ZXDC: variants seen among roughly 807,000 people sequenced by gnomAD.
The protein encoded by ZXDC is zinc finger protein ZXDC.
In ZXDC, 58 loss-of-function variants were observed where a neutral mutation model predicts 63.6. The observed-to-expected ratio is 0.91, with a 90% CI of 0.74 to 1.13. ZXDC has a LOEUF of 1.13. Ranked by LOEUF, ZXDC falls within the 50% of genes most tolerant of loss-of-function variation. ZXDC has a pLI of 0.00. For missense variants in ZXDC, 1,133 were observed against 1,148.9 expected, an observed-to-expected ratio of 0.99 and a Z score of 0.20; for synonymous variants, 561 against 496.1, an observed-to-expected ratio of 1.13 and a Z score of -1.74.
chr3:126,447,374 A>C (rs1224601141), intron 7 of ZXDC, among the ~76,000 whole-genome samples: 1 of 152,176 alleles, frequency 6.6e-6, no homozygotes, highest in Admixed American at 6.5e-5. Flanking sequence ...TCTTATTGGA[A>C]AATCTATTAA....
intron 6 of ZXDC, 88 bp downstream of exon 6, chr3:126,461,447 G>C: frequency 1.3e-6 from 2 of 1,486,670 alleles, no homozygotes; most frequent in Non-Finnish European, 1.8e-6. Context: ...AGAAACGTCT[G>C]CATAGAAAGG....
At chr3:126,447,042 T>C (rs1933909254) in intron 7 of ZXDC, among the ~76,000 whole-genome samples, 1 of 152,186 alleles carries the variant, frequency 6.6e-6, no homozygotes, top group Admixed American at 6.5e-5. Context: ...ACACGACAGG[T>C]CCTTTGTTCT....
intron 9 of ZXDC, among the ~76,000 whole-genome samples, 179 bp from the exon 10 acceptor site, chr3:126,438,640 T>C (rs1175760455): frequency 1.3e-5 from 2 of 152,124 alleles, no homozygotes; most frequent in East Asian, 3.8e-4. Context: ...AACTCAATAC[T>C]GTACTGTAAA....
chr3:126,447,986 C>T (rs1243995249), intron 7 of ZXDC, among the ~76,000 whole-genome samples: 3 of 152,182 alleles, frequency 2.0e-5, no homozygotes, highest in Non-Finnish European at 4.4e-5. Flanking sequence ...TCAATCCTGC[C>T]GCTGCCCCTG....
At chr3:126,459,058 GTT>G in intron 7 of ZXDC, 2 of 985,282 alleles carry the variant, frequency 2.0e-6, no homozygotes, top group Non-Finnish European at 2.4e-6. Flanking sequence ...TCCACTGTTA[GTT>G]TTTAGAAAAA....
intron 1 of ZXDC, 25 bp downstream of exon 1, chr3:126,474,934 C>G (rs1576697918): frequency 1.7e-5 from 26 of 1,541,528 alleles, no homozygotes; most frequent in Non-Finnish European, 2.1e-5. Context: ...CCGCGCAGCC[C>G]GCCCGCCCCC....
intron 1 of ZXDC, 94 bp from the exon 2 acceptor site, chr3:126,472,399 G>T: frequency 6.9e-7 from 1 of 1,446,300 alleles, no homozygotes; most frequent in Non-Finnish European, 9.4e-7. Flanking sequence ...TGTTCACACT[G>T]AAGCAGACAA....
intron 7 of ZXDC, among the ~76,000 whole-genome samples, chr3:126,456,047 G>C (rs148842322): frequency 6.6e-6 from 1 of 152,020 alleles, no homozygotes. Flanking sequence ...TCCATACTGC[G>C]AATAAGTAAA....
At chr3:126,444,404 T>G (rs183138798) in intron 7 of ZXDC, among the ~76,000 whole-genome samples, 10 of 151,852 alleles carry the variant, frequency 6.6e-5, no homozygotes, top group Non-Finnish European at 1.2e-4. Flanking sequence ...TGGTGGCGGG[T>G]GCCTGTAGTC....
chr3:126,471,948 A>C (rs993997751), intron 3 of ZXDC, 25 bp downstream of exon 3: 1 of 1,594,800 alleles, frequency 6.3e-7, no homozygotes, highest in African/African-American at 1.3e-5. Flanking sequence ...AAACCTGATA[A>C]TGCAAACCAA....
rs969648970 is a variant in ZXDC at position 126,453,965 on chromosome 3, A to G, written c.2212+5688T>C. 1.1e-5 allele frequency: 11 copies of G among 968,574 alleles called. 1 individual carries two copies. In the African/African-American group the frequency reaches 1.6e-4, roughly 14 times the overall value. The allele number at this position is 968,574 out of a possible 1,614,324, so 60.0% of individuals were successfully genotyped here. On this transcript the variant is annotated intron_variant, in intron 7 of 9. Coordinates refer to ENST00000389709, the MANE Select transcript of ZXDC (RefSeq NM_025112.5). ...ATGATCAGAAAACATAGTACTGCCT[A>G]TACATGTATATATATATGTGTACAT... is the stretch of plus-strand genomic sequence containing the variant.
intron 1 of ZXDC, among the ~76,000 whole-genome samples, chr3:126,472,810 G>A (rs1935031699): frequency 6.6e-6 from 1 of 152,144 alleles, no homozygotes; most frequent in South Asian, 2.1e-4. Context: ...CCTGTCCCTT[G>A]CTGTTTGGAT....
intron 7 of ZXDC, among the ~76,000 whole-genome samples, chr3:126,448,783 C>A (rs1933979514): frequency 6.6e-6 from 1 of 152,238 alleles, no homozygotes; most frequent in Non-Finnish European, 1.5e-5. Flanking sequence ...ATGAAACTCC[C>A]ACGGAAGCAG....
chr3:126,461,464 C>A, intron 6 of ZXDC, 71 bp downstream of exon 6: 1 of 1,515,910 alleles, frequency 6.6e-7, no homozygotes, highest in Non-Finnish European at 8.8e-7. Context: ...AAGGATTAAT[C>A]CAGAATATCC....
intron 7 of ZXDC, chr3:126,451,105 G>A (rs1427887043): frequency 3.0e-6 from 3 of 985,120 alleles, no homozygotes; most frequent in Non-Finnish European, 2.4e-6. Flanking sequence ...GAGGAACAGT[G>A]CTCTATTGCT....
Position 126,463,419 on chromosome 3 carries a change from T to C in ZXDC, c.1442-1199A>G, listed in dbSNP as rs915157384. Among the ~76,000 whole-genome samples, 22 of 152,210 alleles carry C rather than the reference T, an allele frequency of 1.4e-4. 1 individual carries two copies. The highest frequency in any genetic ancestry group is 1.4e-3 in the Admixed American group (22 of 15,286). ...CTTCATCTGGAGTCTTAATTTCTGG[T>C]CATAATACTCTTTAAATATTTGATT... On this transcript the variant is annotated intron_variant, in intron 5 of 9. Transcript: ENST00000389709.
Position 126,451,291 on chromosome 3 carries a change from G to A in ZXDC, c.2212+8362C>T, listed in dbSNP as rs1934090654. The A allele has an allele frequency of 6.1e-6, 6 of 985,202 alleles. No homozygotes were observed. The South Asian group carries it at 1.4e-4, about 23-fold the overall frequency. 61.0% of individuals were successfully genotyped at this position (985,202 alleles called of 1,614,324 possible). A position where few individuals can be genotyped will look rare whatever the true frequency, so the allele number is the denominator to read the frequency against. ...TCCAGGTAAATGTACACAAAAATTT[G>A]TCTCTCAACACACCCACTTTTTCTT... On this transcript the variant is annotated intron_variant, in intron 7 of 9. Coordinates refer to ENST00000389709, the MANE Select transcript of ZXDC (RefSeq NM_025112.5).
chr3:126,467,351 T>G (rs1934813082), intron 4 of ZXDC, among the ~76,000 whole-genome samples: 1 of 152,162 alleles, frequency 6.6e-6, no homozygotes, highest in African/African-American at 2.4e-5. Flanking sequence ...CTCCTTTTTC[T>G]GTTCTGTGAA....
At chr3:126,474,815 C>T (rs1195790432) in intron 1 of ZXDC, 144 bp downstream of exon 1, 2 of 1,010,396 alleles carry the variant, frequency 2.0e-6, no homozygotes, top group Non-Finnish European at 1.4e-6. Context: ...AATCGAATGA[C>T]ATGGAAGGAG....
Sources: gnomAD v4.1 joint callset for allele counts (sites outside exome capture counted in the v4.1 genomes callset) on GRCh38, gnomAD v4.1.1 for gene constraint, MANE v1.5 for transcripts, NCBI Gene and HGNC (gene_info 2026-07-23, HGNC 2026-07-21) for gene names.